LGALS3: variants seen among roughly 807,000 people sequenced by gnomAD.
LGALS3 encodes galectin-3.
LGALS3 carries 18 observed loss-of-function variants against 20.7 expected under a neutral mutation model. The observed-to-expected ratio is 0.87, with a 90% CI of 0.60 to 1.29. The LOEUF (loss-of-function observed/expected upper bound fraction) is 1.29, where lower values mean the gene tolerates loss of function less well. Among genes scored for constraint, LGALS3 ranks in the 50% most tolerant of loss-of-function variants. The pLI, the probability that LGALS3 is intolerant of heterozygous loss-of-function variation, is 0.00. For synonymous variants in LGALS3, 112 were observed against 119.6 expected, an observed-to-expected ratio of 0.94 and a Z score of 0.42; for missense variants, 315 against 314.7, an observed-to-expected ratio of 1.00 and a Z score of -0.01.
At chr14:55,139,819 A>T (rs577911304) in intron 3 of LGALS3, among the ~76,000 whole-genome samples, 5 of 152,348 alleles carry the variant, frequency 3.3e-5, no homozygotes, top group African/African-American at 1.2e-4. Flanking sequence ...AATATTGAGT[A>T]TCTGCCATAT....
chr14:55,145,223 A>T lies in LGALS3; in HGVS notation c.705A>T (p.Gly235=). 1 of 1,613,996 alleles carries T rather than the reference A, an allele frequency of 6.2e-7. No homozygotes were observed. The highest frequency in any genetic ancestry group is 1.1e-5 in the South Asian group (1 of 91,084). ...AACTCAATGAAATCAGCAAACTGGG[A>T]ATTTCTGGTGACATAGACCTCACCA... ...VKKLNEISKL[G]ISGDIDLTSA... The change falls in exon 6 of 6, where the codon GGA becomes GGT. Residue 235 remains glycine (G), a synonymous_variant. Transcript: ENST00000254301.
chr14:55,133,166 A>G (rs950246824), intron 1 of LGALS3, among the ~76,000 whole-genome samples: 2 of 151,718 alleles, frequency 1.3e-5, no homozygotes, highest in Admixed American at 6.6e-5. Flanking sequence ...CTTTCAAAGG[A>G]CTGTACTTTA....
chr14:55,133,830 CTTTA>C (rs1254314947), intron 1 of LGALS3, among the ~76,000 whole-genome samples: 2 of 152,164 alleles, frequency 1.3e-5, no homozygotes, highest in Non-Finnish European at 2.9e-5. Flanking sequence ...GAAATGCCTT[CTTTA>C]TTTGACTTTC....
rs568100150 is a variant in LGALS3 at position 55,138,057 on chromosome 14, T to A, written c.31T>A (p.Leu11Ile). The change falls in exon 3 of 6, where the codon TTA becomes ATA. Residue 11 changes from leucine (L) to isoleucine (I), a missense_variant. Leu to Ile is a conservative substitution (Grantham distance 5). Transcript: ENST00000254301. MADNFSLHDA[L>I]SGSGNPNPQG... ...TCTTTCTTTCCAGCTCCATGATGCG[T>A]TATCTGGGTCTGGAAACCCAAACCC... 1 of 1,503,646 alleles carries A rather than the reference T, an allele frequency of 6.7e-7. No homozygotes were observed. Among genetic ancestry groups the A allele is most frequent in the East Asian group, 2.3e-5 (1 of 43,580 alleles). 93.1% of individuals were successfully genotyped at this position (1,503,646 alleles called of 1,614,324 possible).
chr14:55,131,791 ACT>A (rs1252510987), intron 1 of LGALS3, among the ~76,000 whole-genome samples: 1 of 152,170 alleles, frequency 6.6e-6, no homozygotes, highest in Non-Finnish European at 1.5e-5. Context: ...GCAGAAAGTA[ACT>A]CTACCTTCCT....
rs78964872 is a variant in LGALS3, at chr14:55,138,320, C to G, written c.294C>G (p.Thr98=). The stretch of plus-strand genomic sequence containing the variant: ...CATCTTCTGGACAGCCAAGTGCCAC[C>G]GGAGCCTACCCTGCCACTGGCCCCT... ...AYPSSGQPSA[T]GAYPATGPYG... The change falls in exon 3 of 6, where the codon ACC becomes ACG. Residue 98 remains threonine, a synonymous_variant. Transcript: ENST00000254301. The G allele has an allele frequency of 3.7e-6, 6 of 1,612,288 alleles. No individual in the cohort carries two copies. The highest frequency in any genetic ancestry group is 2.2e-5 in the South Asian group (2 of 91,060).
At position 55,145,237 on chromosome 14, in the gene LGALS3, T is replaced by C. The variant is rs150161752; in HGVS notation, c.719T>C (p.Ile240Thr). 384 of 1,613,258 alleles carry C rather than the reference T, an allele frequency of 2.4e-4. No homozygotes were observed. In the African/African-American group the frequency reaches 2.4e-3, roughly 10 times the overall value. Residue 240 changes from isoleucine (I) to threonine (T), a missense_variant, in exon 6 of 6, where the codon ATA becomes ACA. Ile to Thr is a moderately conservative substitution (Grantham distance 89, BLOSUM62 -1). Coordinates refer to ENST00000254301, the MANE Select transcript of LGALS3 (RefSeq NM_002306.4). ...EISKLGISGD[I>T]DLTSASYTMI Reference sequence around the variant, plus strand: ...AGCAAACTGGGAATTTCTGGTGACATAGACCTCACCAGTGCTTCATATACC... The same window carrying C: ...AGCAAACTGGGAATTTCTGGTGACACAGACCTCACCAGTGCTTCATATACC...
At position 55,145,158 on chromosome 14, in the gene LGALS3, A is replaced by AATG. The variant is rs754372738; in HGVS notation, c.644_646dup (p.Asp215dup). ...ACCTGACCACTTCAAGGTTGCAGTG[A>AATG]ATGATGCTCACTTGTTGCAGTACAA... On this transcript the variant is annotated inframe_insertion, in exon 6 of 6. Transcript: ENST00000254301. 28 of 1,613,928 alleles carry AATG rather than the reference A, an allele frequency of 1.7e-5. No homozygotes were observed. Among genetic ancestry groups the AATG allele is most frequent in the Non-Finnish European group, 2.4e-5 (28 of 1,179,942 alleles).
chr14:55,142,589 C>T lies in LGALS3; in HGVS notation c.437C>T (p.Ala146Val). Residue 146 changes from alanine (A) to valine (V), a missense_variant, in exon 5 of 6, where the codon GCT becomes GTT. By Grantham distance (64) the Ala-to-Val change is moderately conservative. Coordinates refer to ENST00000254301, the MANE Select transcript of LGALS3 (RefSeq NM_002306.4). ...TGGTCTTTGGTTTAAAACAGAATTG[C>T]TTTAGATTTCCAAAGAGGGAATGAT... The part of the protein sequence containing the change: ...GTVKPNANRI[A>V]LDFQRGNDVA... The T allele has an allele frequency of 6.2e-7, 1 of 1,612,074 alleles. No homozygotes were observed. Among genetic ancestry groups the T allele is most frequent in the Non-Finnish European group, 8.5e-7 (1 of 1,178,362 alleles).
chr14:55,145,082 C>T (rs1221918594), intron 5 of LGALS3, 34 bp from the exon 6 acceptor site: 7 of 1,571,046 alleles, frequency 4.5e-6, no homozygotes, highest in Middle Eastern at 1.7e-4. Flanking sequence ...ATATGCATTA[C>T]CTCATGTAAC....
intron 5 of LGALS3, among the ~76,000 whole-genome samples, chr14:55,143,092 A>C (rs1184226670): frequency 6.6e-6 from 1 of 152,264 alleles, no homozygotes; most frequent in Admixed American, 6.5e-5. Flanking sequence ...CAGTTGGCAG[A>C]GAGATGAAAA....
intron 1 of LGALS3, among the ~76,000 whole-genome samples, chr14:55,131,915 GCT>G (rs1413682577): frequency 6.6e-6 from 1 of 152,186 alleles, no homozygotes; most frequent in East Asian, 1.9e-4. Context: ...CTCAAGTCCT[GCT>G]CTGTGTTTCA....
Position 55,143,183 on chromosome 14 carries a change from TC to T in LGALS3, c.597+436del, listed in dbSNP as rs1445722388. Among the ~76,000 whole-genome samples, 10 of 152,344 alleles carry T rather than the reference TC, an allele frequency of 6.6e-5. No homozygotes were observed. The East Asian group carries it at 1.7e-3, about 26-fold the overall frequency. On this transcript the variant is annotated intron_variant, in intron 5 of 5. Coordinates refer to ENST00000254301, the MANE Select transcript of LGALS3 (RefSeq NM_002306.4). ...ATTAACAAAGTTTCCTATCTTTTAC[TC>T]CTTCCCCCATCCTCACAAAGTTGCA...
At chr14:55,144,799 T>C (rs529348726) in intron 5 of LGALS3, among the ~76,000 whole-genome samples, 461 of 150,192 alleles carry the variant, frequency 3.1e-3, no homozygotes, top group African/African-American at 0.011. Context: ...CTCCTGACCT[T>C]GTGATCCACC....
intron 5 of LGALS3, 151 bp downstream of exon 5, chr14:55,142,900 G>A: frequency 1.7e-6 from 1 of 593,832 alleles, no homozygotes; most frequent in Non-Finnish European, 2.9e-6. Context: ...ACCAGGCTCA[G>A]CAGGCTGAGA....
chr14:55,135,356 C>G (rs971937798), intron 1 of LGALS3, among the ~76,000 whole-genome samples: 1 of 152,014 alleles, frequency 6.6e-6, no homozygotes, highest in Admixed American at 6.5e-5. Flanking sequence ...GATTTTGGCT[C>G]TTCAGATTAG....
rs115078998 is a variant in LGALS3, at chr14:55,140,184, C to T, written c.343-91C>T. The T allele has an allele frequency of 2.7e-3, 2,135 of 803,302 alleles. 9 individuals carry two copies. Among genetic ancestry groups the T allele is most frequent in the Non-Finnish European group, 2.6e-3 (1,256 of 481,682 alleles). The allele number at this position is 803,302 out of a possible 1,614,324, so 49.8% of individuals were successfully genotyped here. ...ATACTAGAGTTATGTGTTTTTCACA[C>T]ATATTAATAGTGATGGAACTTTAGC... is the stretch of plus-strand genomic sequence containing the variant. On this transcript the variant is annotated intron_variant, in intron 3 of 5. Transcript: ENST00000254301.
At chr14:55,138,391 A>G in intron 3 of LGALS3, 23 bp downstream of exon 3, 2 of 1,611,488 alleles carry the variant, frequency 1.2e-6, no homozygotes, top group South Asian at 2.2e-5. Context: ...TCCTTCTTTC[A>G]TGTACTTGAC....
intron 4 of LGALS3, among the ~76,000 whole-genome samples, chr14:55,140,848 G>A (rs1410722076): frequency 6.6e-6 from 1 of 152,198 alleles, no homozygotes; most frequent in Non-Finnish European, 1.5e-5. Context: ...TGATTGATGA[G>A]GTGGGCTAGG....
Sources: gnomAD v4.1 joint callset for allele counts (sites outside exome capture counted in the v4.1 genomes callset) on GRCh38, gnomAD v4.1.1 for gene constraint, MANE v1.5 for transcripts, NCBI Gene and HGNC (gene_info 2026-07-23, HGNC 2026-07-21) for gene names.